ANO3: variants seen among roughly 807,000 people sequenced by gnomAD.
The protein encoded by ANO3 is anoctamin-3.
A neutral mutation model predicts 144.8 loss-of-function variants in ANO3; 99 were observed. The observed-to-expected ratio is 0.68, with a 90% CI of 0.58 to 0.81. ANO3 has a LOEUF of 0.81. Ranked by LOEUF, ANO3 falls within the 30% of genes least tolerant of loss-of-function variation. The pLI, the probability that ANO3 is intolerant of heterozygous loss-of-function variation, is 0.00. For synonymous variants in ANO3, 414 were observed against 392.6 expected, an observed-to-expected ratio of 1.05 and a Z score of -0.64; for missense variants, 905 against 1,202.2, an observed-to-expected ratio of 0.75 and a Z score of 3.66.
At chr11:26,602,269 T>C (rs1020361555) in intron 17 of ANO3, among the ~76,000 whole-genome samples, 1 of 152,112 alleles carries the variant, frequency 6.6e-6, no homozygotes. Context: ...GAAAACTAAA[T>C]CAGTGCCTAG....
At position 26,429,349 on chromosome 11, in the gene ANO3, C is replaced by T. The variant is rs151291465; in HGVS notation, c.47-12569C>T. On this transcript the variant is annotated intron_variant, in intron 1 of 26. Coordinates refer to ENST00000256737, the MANE Select transcript of ANO3 (RefSeq NM_031418.4). The stretch of plus-strand genomic sequence containing the variant: ...TCAAGGGATATCACTTAAGCTAATA[C>T]CAAACAGTAGAATTCTAAGTAAGGA... Among the ~76,000 whole-genome samples the T allele has an allele frequency of 7.1e-4, 107 of 151,570 alleles. 1 individual carries two copies. Among genetic ancestry groups the T allele is most frequent in the African/African-American group, 2.4e-3 (101 of 41,320 alleles).
intron 20 of ANO3, among the ~76,000 whole-genome samples, chr11:26,636,429 A>T (rs1852960733): frequency 6.6e-6 from 1 of 152,220 alleles, no homozygotes. Context: ...TGAAATCAAT[A>T]TGAAAAAGTT....
Position 26,359,690 on chromosome 11 carries a change from A to G in ANO3, c.46+27369A>G, listed in dbSNP as rs1164030394. On this transcript the variant is annotated intron_variant, in intron 1 of 26. Coordinates refer to ENST00000256737, the MANE Select transcript of ANO3 (RefSeq NM_031418.4). ...CATTTGGATTTCCTCTCAGTGCACAATGTCCTGGAAACTAAAGGCAATAAA... is the reference window on the plus strand; with the variant it reads ...CATTTGGATTTCCTCTCAGTGCACAGTGTCCTGGAAACTAAAGGCAATAAA... 7.9e-5 allele frequency among the ~76,000 whole-genome samples: 12 copies of G among 152,248 alleles called. No individual in the cohort carries two copies. The East Asian group carries it at 9.7e-4, about 12-fold the overall frequency.
intron 1 of ANO3, among the ~76,000 whole-genome samples, chr11:26,436,409 A>G (rs868031367): frequency 1.3e-5 from 2 of 152,142 alleles, no homozygotes; most frequent in African/African-American, 4.8e-5. Context: ...CCATTTTTCC[A>G]TAAGTCTGCT....
intron 1 of ANO3, among the ~76,000 whole-genome samples, chr11:26,371,458 C>T (rs1856253631): frequency 1.3e-5 from 2 of 152,192 alleles, no homozygotes; most frequent in South Asian, 4.1e-4. Context: ...ACACAGAGTC[C>T]CACTGGGGAA....
chr11:26,381,111 T>G (rs185311259), intron 1 of ANO3, among the ~76,000 whole-genome samples: 194 of 152,276 alleles, frequency 1.3e-3, no homozygotes, highest in African/African-American at 4.6e-3. Context: ...AAAGGTAACC[T>G]GAGATTATTG....
At chr11:26,650,812 CAT>C (rs779448842) in intron 24 of ANO3, among the ~76,000 whole-genome samples, 3 of 152,146 alleles carry the variant, frequency 2.0e-5, no homozygotes, top group Admixed American at 1.3e-4. Context: ...AAAAAATACT[CAT>C]GTGATCGTTG....
At chr11:26,615,414 A>ATATATATATATATATATTTTTTT (rs1352935016) in intron 17 of ANO3, among the ~76,000 whole-genome samples, 1 of 130,700 alleles carries the variant, frequency 7.7e-6, no homozygotes, top group African/African-American at 3.0e-5. Flanking sequence ...ATATATATAT[A>ATATATATATATATATATTTTTTT]TTTTTTTTTT....
chr11:26,309,410 C>G (rs571733226), upstream of ANO3, among the ~76,000 whole-genome samples: 6 of 152,232 alleles, frequency 3.9e-5, no homozygotes, highest in Non-Finnish European at 8.8e-5. Flanking sequence ...GCTAAATCAG[C>G]TTGCATAACA....
chr11:26,235,890 T>G (rs770093034), intron 1 of ANO3, among the ~76,000 whole-genome samples: 1 of 152,126 alleles, frequency 6.6e-6, no homozygotes, highest in South Asian at 2.1e-4. Flanking sequence ...TCTCCCTCCA[T>G]TCTATAGTTT....
chr11:26,452,553 A>C (rs1858986946), intron 3 of ANO3, among the ~76,000 whole-genome samples: 1 of 152,244 alleles, frequency 6.6e-6, no homozygotes, highest in African/African-American at 2.4e-5. Context: ...AGAAACGAAC[A>C]AAGCCTCCAA....
At chr11:26,566,640 T>C (rs897599297) in intron 14 of ANO3, among the ~76,000 whole-genome samples, 1 of 151,868 alleles carries the variant, frequency 6.6e-6, no homozygotes, top group East Asian at 1.9e-4. Flanking sequence ...AAGAAGAATA[T>C]GGTTGGGGTG....
At chr11:26,555,884 T>C (rs761811122) in intron 13 of ANO3, among the ~76,000 whole-genome samples, 3 of 152,072 alleles carry the variant, frequency 2.0e-5, no homozygotes, top group African/African-American at 4.8e-5. Context: ...AGAAACAAAA[T>C]CATCTGGACA....
intron 4 of ANO3, among the ~76,000 whole-genome samples, chr11:26,498,185 A>G (rs1350028126): frequency 6.6e-6 from 1 of 152,012 alleles, no homozygotes; most frequent in African/African-American, 2.4e-5. Flanking sequence ...AATTTTGTAA[A>G]TGATTATGTA....
chr11:26,597,364 G>C (rs1211251795), intron 14 of ANO3, among the ~76,000 whole-genome samples: 1 of 152,210 alleles, frequency 6.6e-6, no homozygotes, highest in Non-Finnish European at 1.5e-5. Context: ...ATGGAACCCA[G>C]TGACTAGTGT....
intron 3 of ANO3, 48 bp downstream of exon 3, chr11:26,443,884 G>C (rs1259896568): frequency 7.7e-7 from 1 of 1,292,916 alleles, no homozygotes; most frequent in East Asian, 2.3e-5. Context: ...CTCTCCAAAG[G>C]TAAGCTGTGT....
At chr11:26,327,551 C>T (rs557862370), upstream of ANO3, among the ~76,000 whole-genome samples, 21 of 152,104 alleles carry the variant, frequency 1.4e-4, no homozygotes, top group Middle Eastern at 3.4e-3. Context: ...AGGAAGAAAG[C>T]AATATAGGAT....
At chr11:26,593,869 G>A (rs370225540) in intron 14 of ANO3, among the ~76,000 whole-genome samples, 75 of 152,174 alleles carry the variant, frequency 4.9e-4, no homozygotes, top group African/African-American at 1.5e-3. Context: ...TATCCTGTTC[G>A]TCCCGTTCCG....
At chr11:26,410,472 A>G (rs1012398514) in intron 1 of ANO3, among the ~76,000 whole-genome samples, 1 of 151,900 alleles carries the variant, frequency 6.6e-6, no homozygotes, top group African/African-American at 2.4e-5. Flanking sequence ...CTATAATGAA[A>G]TTGAACACAA....
Sources: allele counts gnomAD v4.1 joint callset (sites outside exome capture counted in the v4.1 genomes callset), GRCh38; gene constraint gnomAD v4.1.1; transcripts MANE v1.5; gene names NCBI Gene and HGNC (gene_info 2026-07-23, HGNC 2026-07-21).